Variants in GALNTL6 observed in about 807,000 individuals in gnomAD.
GALNTL6 encodes the protein polypeptide N-acetylgalactosaminyltransferase like 6.
In GALNTL6, 46 loss-of-function variants were observed where a neutral mutation model predicts 73.7. The ratio of observed to expected loss-of-function variants is 0.62; its 90% CI spans 0.49 to 0.80. The LOEUF is 0.80. Among genes scored for constraint, GALNTL6 ranks in the 30% least tolerant of loss-of-function variants. GALNTL6 has a pLI of 0.00. For missense variants in GALNTL6, 604 were observed against 755.0 expected (o/e 0.80, Z 2.34); for synonymous variants, 259 against 263.7 (o/e 0.98, Z 0.17).
intron 5 of GALNTL6, among the ~76,000 whole-genome samples, chr4:172,397,535 C>A (rs998182313): frequency 6.6e-6 from 1 of 151,284 alleles, no homozygotes; most frequent in African/African-American, 2.4e-5. Context: ...ATGGATTTAA[C>A]TCTCCTAGAA....
chr4:172,307,414 T>C (rs942075390), intron 3 of GALNTL6, among the ~76,000 whole-genome samples: 1 of 152,192 alleles, frequency 6.6e-6, no homozygotes, highest in Admixed American at 6.5e-5. Flanking sequence ...GGGTTCTTGG[T>C]CATGAAGTCT....
intron 2 of GALNTL6, among the ~76,000 whole-genome samples, chr4:172,154,867 G>A (rs775156693): frequency 2.6e-5 from 4 of 152,196 alleles, no homozygotes; most frequent in Non-Finnish European, 5.9e-5. Context: ...AATTCTGAGT[G>A]CATGGCTGTA....
chr4:173,029,900 A>T (rs968586545), intron 12 of GALNTL6, among the ~76,000 whole-genome samples: 1 of 152,200 alleles, frequency 6.6e-6, no homozygotes, highest in African/African-American at 2.4e-5. Flanking sequence ...TCATGCCTTC[A>T]TCTAAATTGT....
intron 3 of GALNTL6, among the ~76,000 whole-genome samples, chr4:172,250,265 T>C (rs1483848274): frequency 6.6e-6 from 1 of 152,196 alleles, no homozygotes; most frequent in Non-Finnish European, 1.5e-5. Context: ...ATTTCCCCAA[T>C]GGCTGTATCC....
At chr4:172,779,155 A>C (rs994476448) in intron 5 of GALNTL6, among the ~76,000 whole-genome samples, 1 of 152,184 alleles carries the variant, frequency 6.6e-6, no homozygotes, top group Admixed American at 6.5e-5. Flanking sequence ...AAGCACTCCA[A>C]GTATTTGTCT....
chr4:171,854,882 G>T (rs185557565), intron 2 of GALNTL6, among the ~76,000 whole-genome samples: 117 of 152,270 alleles, frequency 7.7e-4, no homozygotes, highest in African/African-American at 2.5e-3. Context: ...TATGAATTTT[G>T]CAGACATACC....
intron 5 of GALNTL6, among the ~76,000 whole-genome samples, chr4:172,350,307 T>C (rs978561756): frequency 6.6e-6 from 1 of 152,188 alleles, no homozygotes; most frequent in African/African-American, 2.4e-5. Context: ...ACATTTCTTG[T>C]TAAATATTTC....
chr4:172,723,931 C>T (rs1207620092), intron 5 of GALNTL6, among the ~76,000 whole-genome samples: 1 of 152,046 alleles, frequency 6.6e-6, no homozygotes, highest in East Asian at 1.9e-4. Context: ...TATCAGTGAA[C>T]ACGAGAGATT....
chr4:172,011,359 A>G (rs141837708), intron 2 of GALNTL6, among the ~76,000 whole-genome samples: 24 of 152,268 alleles, frequency 1.6e-4, no homozygotes, highest in African/African-American at 5.5e-4. Context: ...GCTTAGTAAT[A>G]GAAAACAGGA....
intron 8 of GALNTL6, among the ~76,000 whole-genome samples, chr4:172,908,001 C>T (rs1746999201): frequency 6.6e-6 from 1 of 152,140 alleles, no homozygotes; most frequent in South Asian, 2.1e-4. Context: ...GTTATTTGAA[C>T]ACAAGTACTG....
At chr4:172,060,531 A>C (rs1731167602) in intron 2 of GALNTL6, among the ~76,000 whole-genome samples, 1 of 152,214 alleles carries the variant, frequency 6.6e-6, no homozygotes, top group Admixed American at 6.5e-5. Flanking sequence ...TTATGATCTG[A>C]ATCTGCATGA....
At chr4:172,338,807 T>C (rs1741439307) in intron 4 of GALNTL6, among the ~76,000 whole-genome samples, 1 of 152,094 alleles carries the variant, frequency 6.6e-6, no homozygotes, top group Non-Finnish European at 1.5e-5. Flanking sequence ...AAGGGAGAAT[T>C]GAGGGCGCAG....
At chr4:172,027,655 A>T (rs1228408428) in intron 2 of GALNTL6, among the ~76,000 whole-genome samples, 1 of 152,132 alleles carries the variant, frequency 6.6e-6, no homozygotes, top group Non-Finnish European at 1.5e-5. Context: ...AAAAGCTAGA[A>T]ATGATTAAGC....
At chr4:172,712,282 T>C (rs1734752189) in intron 5 of GALNTL6, among the ~76,000 whole-genome samples, 1 of 152,228 alleles carries the variant, frequency 6.6e-6, no homozygotes, top group South Asian at 2.1e-4. Context: ...GTAGATTTGA[T>C]CATTGATGCC....
chr4:172,296,493 C>T (rs917631528), intron 3 of GALNTL6, among the ~76,000 whole-genome samples: 1 of 152,104 alleles, frequency 6.6e-6, no homozygotes, highest in African/African-American at 2.4e-5. Flanking sequence ...GGTATATCTC[C>T]TAATGATATC....
At chr4:172,697,095 G>C (rs748175236) in intron 5 of GALNTL6, among the ~76,000 whole-genome samples, 4 of 152,124 alleles carry the variant, frequency 2.6e-5, no homozygotes, top group African/African-American at 7.2e-5. Context: ...ATGTGGCTCT[G>C]ACCTTTTTGG....
At chr4:172,463,004 C>G (rs1268094152) in intron 5 of GALNTL6, among the ~76,000 whole-genome samples, 1 of 152,106 alleles carries the variant, frequency 6.6e-6, no homozygotes, top group African/African-American at 2.4e-5. Flanking sequence ...CTAAACACAC[C>G]AATTTTGTTA....
At chr4:172,241,974 C>T (rs552308131) in intron 3 of GALNTL6, among the ~76,000 whole-genome samples, 1 of 152,142 alleles carries the variant, frequency 6.6e-6, no homozygotes, top group East Asian at 1.9e-4. Flanking sequence ...AAAAGAATTT[C>T]AATACAAATT....
chr4:172,153,863 A>T (rs1054720815), intron 2 of GALNTL6, among the ~76,000 whole-genome samples: 13 of 152,334 alleles, frequency 8.5e-5, no homozygotes, highest in East Asian at 1.9e-4. Flanking sequence ...TTGCAGACTC[A>T]TCAAAGTACA....
Sources: gnomAD v4.1 joint callset for allele counts (sites outside exome capture counted in the v4.1 genomes callset) on GRCh38, gnomAD v4.1.1 for gene constraint, MANE v1.5 for transcripts, NCBI Gene and HGNC (gene_info 2026-07-23, HGNC 2026-07-21) for gene names.